The following CTNNA2 variants were observed in gnomAD, a reference collection of about 807,000 sequenced individuals.
The protein encoded by CTNNA2 is catenin alpha 2, also known as catenin alpha-2.
In CTNNA2, 42 loss-of-function variants were observed where a neutral mutation model predicts 101.0. The ratio of observed to expected loss-of-function variants is 0.42; its 90% CI spans 0.32 to 0.54. CTNNA2 has a LOEUF of 0.54. Among genes scored for constraint, CTNNA2 ranks in the 20% least tolerant of loss-of-function variants. CTNNA2 has a pLI of 0.14. For missense variants in CTNNA2, 871 were observed against 1,223.1 expected, an observed-to-expected ratio of 0.71 and a Z score of 4.29; for synonymous variants, 450 against 456.4, an observed-to-expected ratio of 0.99 and a Z score of 0.18.
intron 7 of CTNNA2, among the ~76,000 whole-genome samples, chr2:79,971,352 G>A (rs879923358): frequency 8.6e-5 from 13 of 151,740 alleles, no homozygotes; most frequent in South Asian, 8.3e-4. Flanking sequence ...TCCTTATATC[G>A]TTTATTAATA....
At chr2:79,981,010 T>G (rs1691227094) in intron 7 of CTNNA2, among the ~76,000 whole-genome samples, 1 of 152,140 alleles carries the variant, frequency 6.6e-6, no homozygotes, top group African/African-American at 2.4e-5. Flanking sequence ...TGCTTGGTAT[T>G]AGAATTTGTG....
chr2:79,846,532 A>G (rs761129152), intron 3 of CTNNA2, among the ~76,000 whole-genome samples: 9 of 152,240 alleles, frequency 5.9e-5, no homozygotes, highest in Non-Finnish European at 1.3e-4. Flanking sequence ...GAGTATCAAG[A>G]CATCCAAACT....
chr2:79,736,522 T>C (rs1452951852), intron 2 of CTNNA2, among the ~76,000 whole-genome samples: 1 of 152,222 alleles, frequency 6.6e-6, no homozygotes. Flanking sequence ...ATATTTCAAG[T>C]TAGTTACACT....
intron 7 of CTNNA2, among the ~76,000 whole-genome samples, chr2:79,976,182 T>C (rs1690827068): frequency 6.6e-6 from 1 of 152,192 alleles, no homozygotes; most frequent in Non-Finnish European, 1.5e-5. Flanking sequence ...GAAAATTTTA[T>C]AAGCTTTTCT....
At chr2:79,573,539 A>C (rs975192727) in intron 1 of CTNNA2, among the ~76,000 whole-genome samples, 1 of 152,272 alleles carries the variant, frequency 6.6e-6, no homozygotes, top group Non-Finnish European at 1.5e-5. Context: ...GCATGCTGCT[A>C]TTCAGCAGGT....
At chr2:79,701,052 C>A (rs1416498005) in intron 2 of CTNNA2, among the ~76,000 whole-genome samples, 1 of 152,032 alleles carries the variant, frequency 6.6e-6, no homozygotes, top group Non-Finnish European at 1.5e-5. Flanking sequence ...TATAGGTTCC[C>A]ACTTTTAGTT....
rs183442515 is a variant in CTNNA2 at position 79,770,288 on chromosome 2, G to A, written c.298+25706G>A. On this transcript the variant is annotated intron_variant, in intron 3 of 18. Transcript: ENST00000402739. ...ACGAGGATTGCTTCCCTGTCTCAGT[G>A]CCTAACATTGTGCTATGTGTATATT... 2.0e-5 allele frequency among the ~76,000 whole-genome samples: 3 copies of A among 152,272 alleles called. No homozygotes were observed. The East Asian group carries it at 5.8e-4, about 29-fold the overall frequency.
intron 7 of CTNNA2, among the ~76,000 whole-genome samples, chr2:80,300,806 C>T (rs963937670): frequency 1.3e-5 from 2 of 152,100 alleles, no homozygotes; most frequent in African/African-American, 4.8e-5. Flanking sequence ...CCAATGCACA[C>T]AGCCTTCCCC....
intron 7 of CTNNA2, among the ~76,000 whole-genome samples, chr2:80,351,116 A>T (rs1673249691): frequency 1.3e-5 from 2 of 152,144 alleles, no homozygotes; most frequent in African/African-American, 4.8e-5. Flanking sequence ...TAAAAGAATA[A>T]AAAGAAACAG....
At chr2:79,243,029 C>T (rs190139919) in intron 2 of CTNNA2, among the ~76,000 whole-genome samples, 1 of 149,658 alleles carries the variant, frequency 6.7e-6, no homozygotes, top group African/African-American at 2.5e-5. Context: ...CACACACACA[C>T]GTTAATATTC....
chr2:80,547,688 T>C (rs1343811139), intron 11 of CTNNA2, among the ~76,000 whole-genome samples: 2 of 135,240 alleles, frequency 1.5e-5, no homozygotes, highest in Non-Finnish European at 3.1e-5. Flanking sequence ...TTGTCACTTC[T>C]GCTTTTTTTT....
intron 1 of CTNNA2, among the ~76,000 whole-genome samples, chr2:79,625,978 A>T (rs1679276759): frequency 6.6e-6 from 1 of 151,862 alleles, no homozygotes; most frequent in African/African-American, 2.4e-5. Context: ...GCAGGTCTGT[A>T]TTTTTTTCTG....
chr2:80,215,967 AC>A (rs1345026590), intron 7 of CTNNA2, among the ~76,000 whole-genome samples: 1 of 151,892 alleles, frequency 6.6e-6, no homozygotes, highest in Non-Finnish European at 1.5e-5. Context: ...AATGGCAGAC[AC>A]CCCTCCTCCA....
chr2:80,308,515 G>A (rs2149221798), intron 7 of CTNNA2, among the ~76,000 whole-genome samples: 1 of 152,236 alleles, frequency 6.6e-6, no homozygotes, highest in East Asian at 1.9e-4. Flanking sequence ...TGTTTCTGTG[G>A]GCACATACCA....
At chr2:79,939,701 A>G (rs1225610865) in intron 7 of CTNNA2, among the ~76,000 whole-genome samples, 1 of 152,250 alleles carries the variant, frequency 6.6e-6, no homozygotes, top group Admixed American at 6.5e-5. Context: ...ACATGTAAAC[A>G]TCAATGAATG....
chr2:79,556,563 C>CA (rs1333841489), intron 1 of CTNNA2, among the ~76,000 whole-genome samples: 3 of 151,970 alleles, frequency 2.0e-5, no homozygotes, highest in Non-Finnish European at 4.4e-5. Context: ...CATTGTTGTG[C>CA]ACAAAATATG....
chr2:79,966,243 A>G (rs993163987), intron 7 of CTNNA2, among the ~76,000 whole-genome samples: 2 of 151,972 alleles, frequency 1.3e-5, no homozygotes, highest in Non-Finnish European at 2.9e-5. Context: ...TGTGACTAGA[A>G]TCTTTTTTGG....
intron 2 of CTNNA2, among the ~76,000 whole-genome samples, chr2:79,211,167 TCTTAC>T (rs1034422171): frequency 6.6e-6 from 1 of 152,174 alleles, no homozygotes; most frequent in African/African-American, 2.4e-5. Flanking sequence ...TTTGTTTAAA[TCTTAC>T]CTTTCACACT....
At chr2:80,155,174 G>A (rs1441851248) in intron 7 of CTNNA2, among the ~76,000 whole-genome samples, 1 of 152,166 alleles carries the variant, frequency 6.6e-6, no homozygotes, top group Non-Finnish European at 1.5e-5. Flanking sequence ...AATGTGATTA[G>A]AAAAGAAACA....
Sources: allele counts gnomAD v4.1 joint callset (sites outside exome capture counted in the v4.1 genomes callset), GRCh38; gene constraint gnomAD v4.1.1; transcripts MANE v1.5; gene names NCBI Gene and HGNC (gene_info 2026-07-23, HGNC 2026-07-21).